The following ASPH variants were observed in gnomAD, a reference collection of about 807,000 sequenced individuals.
ASPH encodes the protein aspartyl/asparaginyl beta-hydroxylase.
A neutral mutation model predicts 118.4 loss-of-function variants in ASPH; 100 were observed. The observed-to-expected ratio is 0.84, with a 90% CI of 0.72 to 1.00. The LOEUF is 1.00. Among genes scored for constraint, ASPH ranks in the 50% least tolerant of loss-of-function variants. The pLI, the probability that ASPH is intolerant of heterozygous loss-of-function variation, is 0.00. For missense variants in ASPH, 920 were observed against 919.5 expected (o/e 1.00, Z -0.01); for synonymous variants, 315 against 325.6 (o/e 0.97, Z 0.35).
At chr8:61,650,960 C>T in intron 5 of ASPH, 90 bp downstream of exon 5, 2 of 1,345,590 alleles carry the variant, frequency 1.5e-6, no homozygotes, top group East Asian at 4.8e-5. Context: ...CCCAATTAAC[C>T]TTTAAATTTT....
intron 18 of ASPH, among the ~76,000 whole-genome samples, chr8:61,559,285 G>A (rs558543007): frequency 1.3e-5 from 2 of 152,026 alleles, no homozygotes; most frequent in Admixed American, 6.6e-5. Flanking sequence ...TGCGTTAATC[G>A]ACTGTTTATG....
At chr8:61,621,919 T>C (rs1049744697) in intron 13 of ASPH, among the ~76,000 whole-genome samples, 3 of 152,262 alleles carry the variant, frequency 2.0e-5, no homozygotes, top group African/African-American at 4.8e-5. Flanking sequence ...ACTCTTTACC[T>C]GTCTTAACGT....
intron 13 of ASPH, among the ~76,000 whole-genome samples, chr8:61,632,259 T>C (rs1359691514): frequency 6.6e-6 from 1 of 152,188 alleles, no homozygotes; most frequent in Non-Finnish European, 1.5e-5. Flanking sequence ...ATGTTAAAAG[T>C]ATAGAAATTT....
In ASPH at chr8:61,646,855, C is replaced by T. The variant is rs1168978691; in HGVS notation, c.514G>A (p.Glu172Lys). The change falls in exon 6 of 25, where the codon GAA (glutamate) becomes AAA (lysine). Residue 172 changes from glutamate to lysine, a missense_variant. Physicochemically the swap from Glu to Lys is moderately conservative, Grantham distance 56. Transcript: ENST00000379454. ...EHVEGEDLQQ[E>K]DGPTGEPQQE... is the part of the protein sequence containing the mutation. ...TGTGGTTCTCCTGTGGGTCCATCTT[C>T]TTGTTGCAAGTCTTCTCCCTCAACT... 6.2e-6 allele frequency: 10 copies of T among 1,613,830 alleles called. No homozygotes were observed. Among genetic ancestry groups the T allele is most frequent in the African/African-American group, 1.3e-5 (1 of 74,902 alleles).
intron 3 of ASPH, chr8:61,659,750 T>A (rs1815773344): frequency 6.6e-6 from 1 of 152,218 alleles, no homozygotes; most frequent in Admixed American, 6.5e-5. Flanking sequence ...ACCTTATGGG[T>A]CTGCTACATA....
At chr8:61,641,075 T>C (rs1211999040) in intron 10 of ASPH, among the ~76,000 whole-genome samples, 1 of 152,218 alleles carries the variant, frequency 6.6e-6, no homozygotes, top group South Asian at 2.1e-4. Flanking sequence ...TTCAATTAGA[T>C]CTATTTGTTT....
intron 3 of ASPH, chr8:61,663,344 G>C (rs758663314): frequency 5.3e-5 from 52 of 985,210 alleles, no homozygotes; most frequent in Non-Finnish European, 6.1e-5. Flanking sequence ...ATGTTCACCA[G>C]GCCTAACCAG....
chr8:61,562,922 A>T (rs1402940162), intron 17 of ASPH, 42 bp from the exon 18 acceptor site: 1 of 1,529,270 alleles, frequency 6.5e-7, no homozygotes, highest in Non-Finnish European at 8.8e-7. Context: ...ATAAAAACAG[A>T]TTATGTACAC....
intron 13 of ASPH, chr8:61,624,986 T>TA: frequency 4.1e-6 from 4 of 985,434 alleles, no homozygotes; most frequent in Non-Finnish European, 4.8e-6. Flanking sequence ...AACTATGATC[T>TA]ATAGTGATAA....
intron 3 of ASPH, among the ~76,000 whole-genome samples, chr8:61,671,195 T>C (rs747545069): frequency 3.9e-5 from 6 of 152,232 alleles, no homozygotes; most frequent in Non-Finnish European, 7.3e-5. Context: ...CCCACCTTTC[T>C]ATTCTTCCTA....
intron 15 of ASPH, 130 bp from the exon 16 acceptor site, chr8:61,576,988 T>C: frequency 1.5e-6 from 1 of 677,954 alleles, no homozygotes; most frequent in East Asian, 2.9e-5. Context: ...AAGATAGTTT[T>C]ATCTAAGATT....
intron 5 of ASPH, among the ~76,000 whole-genome samples, chr8:61,648,193 G>A (rs1440580487): frequency 6.6e-6 from 1 of 152,166 alleles, no homozygotes; most frequent in African/African-American, 2.4e-5. Context: ...TTAGAAAAAT[G>A]CCTGGCCCTA....
At chr8:61,577,421 A>G (rs113361818) in intron 15 of ASPH, among the ~76,000 whole-genome samples, 35 of 148,370 alleles carry the variant, frequency 2.4e-4, no homozygotes, top group African/African-American at 8.4e-4. Context: ...AAAAAAAAAA[A>G]AAGACAAGAC....
At chr8:61,505,189 C>T (rs1489621107) in intron 24 of ASPH, among the ~76,000 whole-genome samples, 2 of 152,074 alleles carry the variant, frequency 1.3e-5, no homozygotes, top group African/African-American at 4.8e-5. Flanking sequence ...TTTCTCTTGC[C>T]GCCACCAGGT....
chr8:61,534,722 CT>C (rs966290177), intron 21 of ASPH, among the ~76,000 whole-genome samples: 5 of 152,176 alleles, frequency 3.3e-5, no homozygotes, highest in Admixed American at 6.5e-5. Context: ...TAAATATTTT[CT>C]TGTATGTGGG....
intron 3 of ASPH, chr8:61,661,948 C>T (rs1479849449): frequency 4.5e-6 from 2 of 446,042 alleles, no homozygotes; most frequent in Non-Finnish European, 8.0e-6. Flanking sequence ...AATTGAAAGA[C>T]TTGTTTAAAA....
chr8:61,706,238 C>CA (rs1398518382), intron 1 of ASPH, among the ~76,000 whole-genome samples: 2 of 151,024 alleles, frequency 1.3e-5, no homozygotes, highest in East Asian at 3.9e-4. Context: ...GACAGGCCAA[C>CA]ACGGCAAAAC....
intron 1 of ASPH, among the ~76,000 whole-genome samples, chr8:61,707,479 T>C (rs62505985): frequency 0.025 from 3,806 of 152,288 alleles, 68 homozygotes; most frequent in Non-Finnish European, 0.04. Flanking sequence ...CAAGCTCTTA[T>C]TCATTAGGGG....
intron 13 of ASPH, chr8:61,628,469 G>C (rs904459536): frequency 4.4e-6 from 1 of 227,468 alleles, no homozygotes; most frequent in Non-Finnish European, 9.0e-6. Context: ...GTGCCCAGCA[G>C]ATCAACACTT....
Sources: gnomAD v4.1 joint callset for allele counts (sites outside exome capture counted in the v4.1 genomes callset) on GRCh38, gnomAD v4.1.1 for gene constraint, MANE v1.5 for transcripts, NCBI Gene and HGNC (gene_info 2026-07-23, HGNC 2026-07-21) for gene names.